Variants in PTPRN2 observed in about 807,000 individuals in gnomAD.
PTPRN2 encodes protein tyrosine phosphatase receptor type N2, also known as receptor-type tyrosine-protein phosphatase N2.
A neutral mutation model predicts 118.8 loss-of-function variants in PTPRN2; 74 were observed. The ratio of observed to expected loss-of-function variants is 0.62; its 90% CI spans 0.52 to 0.76. The LOEUF is 0.76. PTPRN2 is among the 30% of genes least tolerant of loss of function. The pLI, the probability that PTPRN2 is intolerant of heterozygous loss-of-function variation, is 0.00. For missense variants in PTPRN2, 1,481 were observed against 1,394.4 expected, an observed-to-expected ratio of 1.06 and a Z score of -0.99; for synonymous variants, 641 against 608.0, an observed-to-expected ratio of 1.05 and a Z score of -0.80.
Position 158,563,861 on chromosome 7 carries a change from A to G in PTPRN2, c.112+23697T>C, listed in dbSNP as rs1361790587. ...TGTTTATAGGATCTATGCATAGCAT[A>G]TATTTCTAAGATTGGGGTCATTCCT... On this transcript the variant is annotated intron_variant, in intron 1 of 22. Coordinates refer to ENST00000389418, the MANE Select transcript of PTPRN2 (RefSeq NM_002847.5). The surrounding 1 kb of genome is among the most constrained non-coding windows in gnomAD (Gnocchi z 5.1). Among the ~76,000 whole-genome samples the G allele has an allele frequency of 6.6e-6, 1 of 152,252 alleles. No homozygotes were observed. The highest frequency in any genetic ancestry group is 1.9e-4 in the East Asian group (1 of 5,208).
chr7:158,563,324 A>G lies in PTPRN2; in HGVS notation c.112+24234T>C, dbSNP rs966054305. ...AGCCTTGTGCTTCTCGTTCAAAGCA[A>G]GAAGTACCCAAGTGGAACGCAGATA... is the stretch of plus-strand genomic sequence containing the variant. On this transcript the variant is annotated intron_variant, in intron 1 of 22. Transcript: ENST00000389418. This position sits in a 1 kb window ranked among gnomAD's most constrained non-coding sequence, Gnocchi z 5.1. 6.6e-6 allele frequency among the ~76,000 whole-genome samples: 1 copy of G among 152,232 alleles called. No individual in the cohort carries two copies. Among genetic ancestry groups the G allele is most frequent in the Non-Finnish European group, 1.5e-5 (1 of 68,038 alleles).
At chr7:158,153,219 C>A (rs1821377149) in intron 6 of PTPRN2, among the ~76,000 whole-genome samples, 1 of 152,192 alleles carries the variant, frequency 6.6e-6, no homozygotes, top group African/African-American at 2.4e-5. Context: ...TCTGGCTCCC[C>A]CATCTGCTGA....
chr7:158,133,089 C>G (rs370123741), intron 9 of PTPRN2, among the ~76,000 whole-genome samples: 2 of 152,174 alleles, frequency 1.3e-5, no homozygotes, highest in African/African-American at 4.8e-5. Flanking sequence ...AAGTTCAGAT[C>G]GACATGAGGG....
rs1049139067 is a variant in PTPRN2 at position 157,560,324 on chromosome 7, C to T, written c.2902+8578G>A. Among the ~76,000 whole-genome samples the T allele has an allele frequency of 4.6e-5, 7 of 152,128 alleles. No homozygotes were observed. The highest frequency in any genetic ancestry group is 9.7e-5 in the African/African-American group (4 of 41,434). ...GGACGAAGACCCCCGAGGAGACCAT[C>T]GAAGGATGGTGGGCAGTGCTGCCCA... On this transcript the variant is annotated intron_variant, in intron 21 of 22. Coordinates refer to ENST00000389418, the MANE Select transcript of PTPRN2 (RefSeq NM_002847.5). This position sits in a 1 kb window ranked among gnomAD's most constrained non-coding sequence, Gnocchi z 6.7.
chr7:158,219,879 T>C (rs183874193), intron 3 of PTPRN2, among the ~76,000 whole-genome samples: 103 of 145,226 alleles, frequency 7.1e-4, no homozygotes, highest in Admixed American at 1.8e-3. Flanking sequence ...GAATTGCTAA[T>C]AAAAAAAAAA....
chr7:158,546,140 G>A lies in PTPRN2; in HGVS notation c.112+41418C>T, dbSNP rs1267880999. Among the ~76,000 whole-genome samples the A allele has an allele frequency of 6.6e-6, 1 of 152,204 alleles. No individual in the cohort carries two copies. The highest frequency in any genetic ancestry group is 1.5e-5 in the Non-Finnish European group (1 of 68,032). On this transcript the variant is annotated intron_variant, in intron 1 of 22. Transcript: ENST00000389418. The surrounding 1 kb of genome is among the most constrained non-coding windows in gnomAD (Gnocchi z 5.0). The stretch of plus-strand genomic sequence containing the variant: ...GGTGAAGGGTCATGCAGAAAAGCAG[G>A]ACTGGGTGTGAGCATGAGGACAGGA...
intron 11 of PTPRN2, among the ~76,000 whole-genome samples, chr7:157,907,490 T>G (rs982541676): frequency 3.4e-5 from 5 of 148,216 alleles, no homozygotes; most frequent in Non-Finnish European, 7.5e-5. Flanking sequence ...CCCCTGCGTG[T>G]GGGGTGTCCT....
intron 2 of PTPRN2, among the ~76,000 whole-genome samples, chr7:158,419,627 C>T (rs1255661872): frequency 6.6e-6 from 1 of 152,134 alleles, no homozygotes; most frequent in Non-Finnish European, 1.5e-5. Context: ...CCTCACCACG[C>T]AGCACTGCAG....
At chr7:158,159,842 C>T (rs73173641) in intron 6 of PTPRN2, among the ~76,000 whole-genome samples, 1,964 of 152,258 alleles carry the variant, frequency 0.013, 21 homozygotes, top group Non-Finnish European at 0.02. Context: ...GGAGAAGCAG[C>T]GTATAAATAT....
chr7:158,325,235 C>A (rs556083953), intron 2 of PTPRN2, among the ~76,000 whole-genome samples: 1 of 152,028 alleles, frequency 6.6e-6, no homozygotes, highest in East Asian at 1.9e-4. Context: ...TTCCACCAAA[C>A]GCCGTGAACA....
chr7:157,698,014 C>A (rs550272490), intron 12 of PTPRN2, among the ~76,000 whole-genome samples: 1 of 152,042 alleles, frequency 6.6e-6, no homozygotes, highest in Admixed American at 6.6e-5. Context: ...CTTGGCAGAG[C>A]CCTCACCATC....
At chr7:158,484,537 AT>A (rs1298869684) in intron 2 of PTPRN2, among the ~76,000 whole-genome samples, 1 of 152,014 alleles carries the variant, frequency 6.6e-6, no homozygotes, top group Admixed American at 6.5e-5. Flanking sequence ...TAATTTTTGT[AT>A]TTTTAGTGGA....
chr7:158,192,107 G>A (rs914617917), intron 5 of PTPRN2, among the ~76,000 whole-genome samples: 2 of 152,208 alleles, frequency 1.3e-5, no homozygotes, highest in Non-Finnish European at 2.9e-5. Context: ...ATCCTACAGA[G>A]CCTCACCCAG....
intron 15 of PTPRN2, 146 bp from the exon 16 acceptor site, chr7:157,604,221 A>G: frequency 1.4e-6 from 1 of 724,922 alleles, no homozygotes; most frequent in East Asian, 2.7e-5. Flanking sequence ...TGGGACTCCC[A>G]AACAGCCTCC....
At chr7:157,946,470 T>C (rs1800496103) in intron 11 of PTPRN2, among the ~76,000 whole-genome samples, 1 of 152,228 alleles carries the variant, frequency 6.6e-6, no homozygotes, top group South Asian at 2.1e-4. Context: ...CATGTCACCA[T>C]GTTGATGCAT....
At chr7:158,320,374 C>T (rs191660468) in intron 2 of PTPRN2, among the ~76,000 whole-genome samples, 1 of 152,328 alleles carries the variant, frequency 6.6e-6, no homozygotes, top group African/African-American at 2.4e-5. Context: ...CTAACAGTGG[C>T]CGTGCCATTT....
chr7:157,991,416 C>T (rs115451941), intron 11 of PTPRN2, among the ~76,000 whole-genome samples: 2,076 of 152,366 alleles, frequency 0.014, 45 homozygotes, highest in African/African-American at 0.047. Context: ...GCCGTGGGCC[C>T]GGCCTGCACT....
At position 158,093,287 on chromosome 7, in the gene PTPRN2, G is replaced by C. The variant is rs1240546119; in HGVS notation, c.1644-11910C>G. Among the ~76,000 whole-genome samples the C allele has an allele frequency of 6.9e-6, 1 of 144,838 alleles. No individual in the cohort carries two copies. Among genetic ancestry groups the C allele is most frequent in the Non-Finnish European group, 1.5e-5 (1 of 67,074 alleles). On this transcript the variant is annotated intron_variant, in intron 10 of 22. Transcript: ENST00000389418. The surrounding 1 kb of genome is among the most constrained non-coding windows in gnomAD (Gnocchi z 4.4). ...CCTTTCCTGACTCTGCCGCTGGACC[G>C]ACCCCCACACTGTAGACCCACACGC...
chr7:157,906,876 G>A (rs565542125), intron 11 of PTPRN2, among the ~76,000 whole-genome samples: 5 of 152,288 alleles, frequency 3.3e-5, no homozygotes, highest in African/African-American at 1.2e-4. Context: ...GCTTCCTGGA[G>A]AAGGCCCTGC....
Sources: allele counts gnomAD v4.1 joint callset (sites outside exome capture counted in the v4.1 genomes callset), GRCh38; gene constraint gnomAD v4.1.1; non-coding constraint Gnocchi (gnomAD v3.1); transcripts MANE v1.5; gene names NCBI Gene and HGNC (gene_info 2026-07-23, HGNC 2026-07-21).